The following DGUOK variants were observed in gnomAD, a reference collection of about 807,000 sequenced individuals.
The protein encoded by DGUOK is deoxyguanosine kinase, mitochondrial.
In DGUOK, 30 loss-of-function variants were observed where a neutral mutation model predicts 36.6. The ratio of observed to expected loss-of-function variants is 0.82; its 90% CI spans 0.61 to 1.11. The LOEUF (loss-of-function observed/expected upper bound fraction) is 1.11. Ranked by LOEUF, DGUOK falls within the 50% of genes most tolerant of loss-of-function variation. The pLI, the probability that DGUOK is intolerant of heterozygous loss-of-function variation, is 0.00. For missense variants in DGUOK, 361 were observed against 336.4 expected (o/e 1.07, Z -0.57); for synonymous variants, 145 against 126.3 (o/e 1.15, Z -0.99).
At chr2:73,934,605 T>G (rs1681310974) in intron 1 of DGUOK, among the ~76,000 whole-genome samples, 1 of 151,920 alleles carries the variant, frequency 6.6e-6, no homozygotes, top group South Asian at 2.1e-4. Context: ...ATACAAAAAT[T>G]AGTCAGGTGT....
At position 73,958,855 on chromosome 2, in the gene DGUOK, C is replaced by T. The variant is rs576927038; in HGVS notation, c.*119C>T. On this transcript the variant is annotated 3_prime_UTR_variant, in exon 7 of 7. Coordinates refer to ENST00000264093, the MANE Select transcript of DGUOK (RefSeq NM_080916.3). ...CCCTCTCATCCCTGGAGCACTCTGC[C>T]GCTCAAGAGCTGGTTTGTTAATTAT... The T allele has an allele frequency of 1.8e-3, 1,479 of 825,718 alleles. 38 individuals carry two copies. The South Asian group carries it at 0.02, about 11-fold the overall frequency. The allele number at this position is 825,718 out of a possible 1,614,324, so 51.1% of individuals were successfully genotyped here.
At chr2:73,948,223 G>A (rs935684040) in intron 3 of DGUOK, among the ~76,000 whole-genome samples, 1 of 152,150 alleles carries the variant, frequency 6.6e-6, no homozygotes, top group African/African-American at 2.4e-5. Flanking sequence ...ATAACCACAT[G>A]GGTTGTTTGG....
chr2:73,926,985 C>A lies in DGUOK; in HGVS notation c.75C>A (p.Gly25=), dbSNP rs752089956. ...FSSMAKSPLE[G]VSSSRGLHAG... ...CCATGGCCAAGAGCCCACTCGAGGGCGTTTCCTCCTCCAGAGGCCTGCACG... is the reference window on the plus strand; with the variant it reads ...CCATGGCCAAGAGCCCACTCGAGGGAGTTTCCTCCTCCAGAGGCCTGCACG... The change falls in exon 1 of 7, where the codon GGC becomes GGA. Residue 25 remains glycine (G), a synonymous_variant. Coordinates refer to ENST00000264093, the MANE Select transcript of DGUOK (RefSeq NM_080916.3). 2.5e-6 allele frequency: 4 copies of A among 1,612,420 alleles called. No homozygotes were observed. In the East Asian group the frequency reaches 8.9e-5, roughly 36 times the overall value.
chr2:73,935,212 G>A (rs547033044), intron 1 of DGUOK, among the ~76,000 whole-genome samples: 1 of 152,356 alleles, frequency 6.6e-6, no homozygotes, highest in African/African-American at 2.4e-5. Flanking sequence ...CTGCACTCCA[G>A]CCTGGGTGAC....
chr2:73,930,354 A>ACCAT (rs1680913143), intron 1 of DGUOK, among the ~76,000 whole-genome samples: 1 of 152,232 alleles, frequency 6.6e-6, no homozygotes, highest in African/African-American at 2.4e-5. Context: ...GAGACCAGTC[A>ACCAT]CCATGGCTGT....
At chr2:73,949,512 T>A (rs186193496) in intron 3 of DGUOK, among the ~76,000 whole-genome samples, 1 of 152,276 alleles carries the variant, frequency 6.6e-6, no homozygotes, top group Non-Finnish European at 1.5e-5. Flanking sequence ...TTACAAGACA[T>A]CATCATAACA....
At position 73,957,238 on chromosome 2, in the gene DGUOK, G is replaced by A. The variant is rs866403196; in HGVS notation, c.705G>A (p.Thr235=). 1.2e-5 allele frequency: 19 copies of A among 1,611,972 alleles called. No homozygotes were observed. The Middle Eastern group carries it at 2.0e-3, about 167-fold the overall frequency. ...AAGCCTGGCTTATTCACAAGACAAC[G>A]AAGTAAGTGGGGAGAAAAGAATGTA... ...QHEAWLIHKT[T]KLHFEALMNI... Residue 235 remains threonine (T), a splice_region_variant and synonymous_variant, in exon 5 of 7, where the codon ACG becomes ACA. Transcript: ENST00000264093.
At chr2:73,927,081 T>A (rs756512338) in intron 1 of DGUOK, 29 bp downstream of exon 1, 1 of 1,604,104 alleles carries the variant, frequency 6.2e-7, no homozygotes, top group African/African-American at 1.3e-5. Flanking sequence ...CTGCCAAGCC[T>A]TGGCCTCCGC....
At chr2:73,940,928 T>G (rs1014372661) in intron 2 of DGUOK, among the ~76,000 whole-genome samples, 1 of 152,258 alleles carries the variant, frequency 6.6e-6, no homozygotes, top group Non-Finnish European at 1.5e-5. Context: ...TTCCTGTTGT[T>G]AAGTGGTACA....
intron 1 of DGUOK, among the ~76,000 whole-genome samples, chr2:73,934,754 CAAAA>C (rs70965770): frequency 2.5e-5 from 3 of 122,152 alleles, no homozygotes; most frequent in Admixed American, 8.2e-5. Context: ...GACTCTGTCT[CAAAA>C]AAAAAAAAAA....
chr2:73,932,513 A>T (rs1681127028), intron 1 of DGUOK: 1 of 728,110 alleles, frequency 1.4e-6, no homozygotes, highest in East Asian at 6.4e-5. Context: ...TATGATATCC[A>T]TGTGGAAGTT....
intron 1 of DGUOK, among the ~76,000 whole-genome samples, chr2:73,935,419 T>G (rs77736833): frequency 0.014 from 2,157 of 152,094 alleles, 46 homozygotes; most frequent in African/African-American, 0.047. Flanking sequence ...AGGAACCCCC[T>G]GTGAACATCT....
At chr2:73,950,790 T>C in intron 4 of DGUOK, 58 bp downstream of exon 4, 2 of 1,606,682 alleles carry the variant, frequency 1.2e-6, no homozygotes, top group Non-Finnish European at 1.7e-6. Flanking sequence ...AGAAGTGACA[T>C]TCTCCAAGCC....
At chr2:73,932,605 C>T in intron 1 of DGUOK, 2 of 1,297,480 alleles carry the variant, frequency 1.5e-6, no homozygotes, top group Non-Finnish European at 2.0e-6. Context: ...CAGGTAACAT[C>T]CTCAAGCAAA....
At position 73,958,717 on chromosome 2, in the gene DGUOK, C is replaced by A. The variant is rs863223947; in HGVS notation, c.815C>A (p.Thr272Asn). ...KQEDLMREVN[T>N]FVKNL ...ATTTTCTCCTTCCCACAGGTAAACACCTTTGTAAAGAATCTGTAACCAATA... is the reference window on the plus strand; with the variant it reads ...ATTTTCTCCTTCCCACAGGTAAACAACTTTGTAAAGAATCTGTAACCAATA... The change falls in exon 7 of 7, where the codon ACC (threonine) becomes AAC (asparagine). Residue 272 changes from threonine to asparagine, a missense_variant. Coordinates refer to ENST00000264093, the MANE Select transcript of DGUOK (RefSeq NM_080916.3). 11 of 1,611,870 alleles carry A rather than the reference C, an allele frequency of 6.8e-6. No individual in the cohort carries two copies. The highest frequency in any genetic ancestry group is 8.5e-6 in the Non-Finnish European group (10 of 1,178,046).
rs747046961 is a variant in DGUOK at position 73,950,726 on chromosome 2, TC to T, written c.589del (p.Gln197ArgfsTer4). The stretch of plus-strand genomic sequence containing the variant: ...ATGGCTTCATCTACCTCCAGGCTTC[TC>T]CCCAGGTAACACTGAACCTACAACC... ...LHGFIYLQAS[P>X]QVCLKRLYQR... is the part of the protein sequence containing the mutation. On this transcript the variant is annotated frameshift_variant, in exon 4 of 7. Transcript: ENST00000264093. LOFTEE classifies it high-confidence loss of function. The T allele has an allele frequency of 6.2e-7, 1 of 1,614,144 alleles. No individual in the cohort carries two copies. Among genetic ancestry groups the T allele is most frequent in the Non-Finnish European group, 8.5e-7 (1 of 1,180,010 alleles).
At chr2:73,953,546 A>C (rs960659043) in intron 4 of DGUOK, among the ~76,000 whole-genome samples, 1 of 152,000 alleles carries the variant, frequency 6.6e-6, no homozygotes, top group South Asian at 2.1e-4. Context: ...TGTGAAATTC[A>C]GAGGTAACTG....
intron 1 of DGUOK, among the ~76,000 whole-genome samples, chr2:73,932,231 C>T (rs1681097919): frequency 6.6e-6 from 1 of 152,144 alleles, no homozygotes; most frequent in Non-Finnish European, 1.5e-5. Context: ...TAATCTGACT[C>T]TTTTTACTTT....
In DGUOK at chr2:73,946,878, A is replaced by T; in HGVS notation, c.415A>T (p.Ile139Phe). The T allele has an allele frequency of 1.2e-6, 2 of 1,613,422 alleles. No homozygotes were observed. The highest frequency in any genetic ancestry group is 1.7e-6 in the Non-Finnish European group (2 of 1,179,922). Reference sequence around the variant, plus strand: ...CTTACAGGCCAGGAAGCCAGTACAGATCTTTGAGAGGTCTGTGTACAGTGA... The same window carrying T: ...CTTACAGGCCAGGAAGCCAGTACAGTTCTTTGAGAGGTCTGTGTACAGTGA... The part of the protein sequence containing the change: ...KLLQARKPVQ[I>F]FERSVYSDRY... The change falls in exon 3 of 7, where the codon ATC becomes TTC. Residue 139 changes from isoleucine to phenylalanine, a missense_variant. Physicochemically the swap from Ile to Phe is conservative, Grantham distance 21. Transcript: ENST00000264093.
Sources: allele counts gnomAD v4.1 joint callset (sites outside exome capture counted in the v4.1 genomes callset), GRCh38; gene constraint gnomAD v4.1.1; transcripts MANE v1.5; gene names NCBI Gene and HGNC (gene_info 2026-07-23, HGNC 2026-07-21).